Variants in SUMF1 observed in about 807,000 individuals in gnomAD.
The protein encoded by SUMF1 is formylglycine-generating enzyme.
A neutral mutation model predicts 47.6 loss-of-function variants in SUMF1; 48 were observed. The observed-to-expected ratio is 1.01, with a 90% CI of 0.80 to 1.28. The LOEUF (loss-of-function observed/expected upper bound fraction) is 1.28, where lower values mean the gene tolerates loss of function less well. SUMF1 is among the 50% of genes most tolerant of loss of function. The pLI is 0.00. For synonymous variants in SUMF1, 230 were observed against 192.1 expected, an observed-to-expected ratio of 1.20 and a Z score of -1.63; for missense variants, 571 against 485.4, an observed-to-expected ratio of 1.18 and a Z score of -1.66.
chr3:4,083,335 T>C (rs545846935), intron 8 of SUMF1, among the ~76,000 whole-genome samples: 60 of 152,254 alleles, frequency 3.9e-4, no homozygotes, highest in Middle Eastern at 3.4e-3. Flanking sequence ...TAAAAATCAC[T>C]GGAACCTGAA....
At chr3:4,052,513 G>C (rs891931229) in intron 9 of SUMF1, among the ~76,000 whole-genome samples, 4 of 152,134 alleles carry the variant, frequency 2.6e-5, no homozygotes, top group African/African-American at 9.7e-5. Flanking sequence ...GCTCCTGCAT[G>C]CTTCAAGTGG....
intron 8 of SUMF1, among the ~76,000 whole-genome samples, chr3:4,334,574 C>G (rs6799948): frequency 0.05 from 7,685 of 152,202 alleles, 662 homozygotes; most frequent in African/African-American, 0.17. Context: ...TTGTGTGACC[C>G]CAAACAGACA....
rs549380293 is a variant in SUMF1 at position 4,103,723 on chromosome 3, A to T, written c.1015-34978T>A. Among the ~76,000 whole-genome samples the T allele has an allele frequency of 2.6e-5, 4 of 152,202 alleles. No homozygotes were observed. The South Asian group carries it at 8.3e-4, about 32-fold the overall frequency. ...GGTCCTGTGCTAGGAACAGAACATA[A>T]ATCACATAATCAGATCCTTAGACAA... On this transcript the variant is annotated intron_variant and NMD_transcript_variant, in intron 8 of 12. Transcript: ENST00000448413.
At chr3:4,213,361 C>T (rs934736279) in intron 8 of SUMF1, among the ~76,000 whole-genome samples, 3 of 152,072 alleles carry the variant, frequency 2.0e-5, no homozygotes, top group Non-Finnish European at 4.4e-5. Context: ...CAAGCAAATG[C>T]TTTAAGATTT....
At chr3:4,297,923 C>A (rs1330096883) in intron 8 of SUMF1, among the ~76,000 whole-genome samples, 2 of 152,044 alleles carry the variant, frequency 1.3e-5, no homozygotes, top group Non-Finnish European at 2.9e-5. Flanking sequence ...ATAAAAACAC[C>A]CCAATTAAAG....
intron 8 of SUMF1, among the ~76,000 whole-genome samples, chr3:4,231,789 A>G (rs1014656278): frequency 5.3e-5 from 8 of 152,150 alleles, no homozygotes; most frequent in Admixed American, 1.3e-4. Flanking sequence ...GTAAATATGT[A>G]TGCTACATGG....
chr3:4,364,536 T>TA, intron 8 of SUMF1, among the ~76,000 whole-genome samples: 1 of 149,344 alleles, frequency 6.7e-6, no homozygotes, highest in South Asian at 2.2e-4. Flanking sequence ...TATTCTCTGA[T>TA]GGTAGTTTGT....
chr3:4,260,891 T>C (rs530920343), intron 8 of SUMF1, among the ~76,000 whole-genome samples: 1 of 152,254 alleles, frequency 6.6e-6, no homozygotes, highest in Non-Finnish European at 1.5e-5. Flanking sequence ...CTCTAGAAGC[T>C]AGAAAAGGCA....
intron 8 of SUMF1, among the ~76,000 whole-genome samples, chr3:4,208,434 C>A (rs950790121): frequency 1.4e-5 from 2 of 141,972 alleles, no homozygotes; most frequent in Non-Finnish European, 3.0e-5. Flanking sequence ...TCATGTCAAC[C>A]TTTCTACAGA....
At chr3:4,360,542 A>G (rs1699726580), downstream of SUMF1, among the ~76,000 whole-genome samples, 1 of 152,054 alleles carries the variant, frequency 6.6e-6, no homozygotes, top group Non-Finnish European at 1.5e-5. Context: ...CATGTTGGCC[A>G]AGCTAATCTC....
At chr3:4,073,834 T>C (rs931136071) in intron 8 of SUMF1, among the ~76,000 whole-genome samples, 4 of 152,128 alleles carry the variant, frequency 2.6e-5, no homozygotes, top group African/African-American at 9.7e-5. Flanking sequence ...CCCAGATTCA[T>C]AAAGCAAGGT....
At chr3:4,132,880 C>T (rs999712916) in intron 8 of SUMF1, among the ~76,000 whole-genome samples, 5 of 152,076 alleles carry the variant, frequency 3.3e-5, no homozygotes, top group African/African-American at 1.2e-4. Context: ...TTAACATTAC[C>T]ATGCCCTGTG....
intron 8 of SUMF1, among the ~76,000 whole-genome samples, chr3:4,219,029 G>A (rs1696004146): frequency 6.6e-6 from 1 of 152,076 alleles, no homozygotes. Flanking sequence ...GTAAGCTGCT[G>A]TATGACTTTT....
chr3:4,177,079 C>A (rs987323286), intron 8 of SUMF1, among the ~76,000 whole-genome samples: 2 of 152,068 alleles, frequency 1.3e-5, no homozygotes, highest in African/African-American at 4.8e-5. Context: ...GACTCCCACA[C>A]AATAAAAATG....
At chr3:4,255,879 A>C (rs1272933746) in intron 8 of SUMF1, among the ~76,000 whole-genome samples, 1 of 98,870 alleles carries the variant, frequency 1.0e-5, no homozygotes, top group Admixed American at 9.6e-5. Flanking sequence ...AGCTCTCCTC[A>C]GCAAATGTAA....
At chr3:4,153,521 G>GATT (rs1694384593) in intron 8 of SUMF1, among the ~76,000 whole-genome samples, 1 of 83,332 alleles carries the variant, frequency 1.2e-5, no homozygotes, top group Non-Finnish European at 3.2e-5. Flanking sequence ...CCGCCTTGTA[G>GATT]GTTTTTTTTT....
intron 8 of SUMF1, among the ~76,000 whole-genome samples, chr3:4,309,963 G>A (rs1438164319): frequency 6.6e-6 from 1 of 152,138 alleles, no homozygotes; most frequent in Non-Finnish European, 1.5e-5. Context: ...AAACCTAGAT[G>A]GTATAGCCTA....
intron 7 of SUMF1, among the ~76,000 whole-genome samples, chr3:4,405,096 G>A (rs532072983): frequency 5.9e-5 from 9 of 152,296 alleles, no homozygotes; most frequent in South Asian, 2.1e-4. Flanking sequence ...AGGATCACAG[G>A]GAAGGGGAAC....
At chr3:4,175,635 C>A (rs1161742575) in intron 8 of SUMF1, among the ~76,000 whole-genome samples, 1 of 152,106 alleles carries the variant, frequency 6.6e-6, no homozygotes, top group African/African-American at 2.4e-5. Flanking sequence ...TTTTCTTCTC[C>A]AAAGAATCGC....
Sources: allele counts gnomAD v4.1 joint callset (sites outside exome capture counted in the v4.1 genomes callset), GRCh38; gene constraint gnomAD v4.1.1; transcripts MANE v1.5; gene names NCBI Gene and HGNC (gene_info 2026-07-23, HGNC 2026-07-21).